MAST2: variants seen among roughly 807,000 people sequenced by gnomAD.
The protein encoded by MAST2 is microtubule-associated serine/threonine-protein kinase 2.
In MAST2, 70 loss-of-function variants were observed where a neutral mutation model predicts 147.4. The ratio of observed to expected loss-of-function variants is 0.47; its 90% CI spans 0.39 to 0.58. The LOEUF is 0.58. Among genes scored for constraint, MAST2 ranks in the 20% least tolerant of loss-of-function variants. The pLI, the probability that MAST2 is intolerant of heterozygous loss-of-function variation, is 0.00. For synonymous variants in MAST2, 869 were observed against 896.8 expected (o/e 0.97, Z 0.55); for missense variants, 2,080 against 2,302.3 (o/e 0.90, Z 1.98).
At chr1:45,929,720 C>T (rs1654973565) in intron 4 of MAST2, among the ~76,000 whole-genome samples, 1 of 151,970 alleles carries the variant, frequency 6.6e-6, no homozygotes, top group Non-Finnish European at 1.5e-5. Context: ...GATTAATTTA[C>T]AATAATAGAT....
chr1:45,822,587 C>CA (rs1375795869), intron 1 of MAST2, among the ~76,000 whole-genome samples: 4 of 152,194 alleles, frequency 2.6e-5, no homozygotes, highest in African/African-American at 9.7e-5. Flanking sequence ...GTGTAGCAGG[C>CA]ATCCAAATGC....
chr1:45,889,590 A>G (rs1394074737), intron 4 of MAST2, among the ~76,000 whole-genome samples: 1 of 151,488 alleles, frequency 6.6e-6, no homozygotes, highest in Admixed American at 6.6e-5. Context: ...CTGTGCCTGG[A>G]ATTTTTGTTT....
intron 4 of MAST2, among the ~76,000 whole-genome samples, chr1:45,904,589 C>G (rs1349074504): frequency 2.0e-5 from 3 of 152,022 alleles, no homozygotes; most frequent in East Asian, 1.9e-4. Context: ...CTTAGCCCCC[C>G]CAAGTAGCTG....
At chr1:45,994,031 G>A (rs1307496193) in intron 5 of MAST2, among the ~76,000 whole-genome samples, 1 of 152,130 alleles carries the variant, frequency 6.6e-6, no homozygotes, top group Non-Finnish European at 1.5e-5. Context: ...AGCTTCCAGT[G>A]CCTTCTCCCT....
intron 4 of MAST2, among the ~76,000 whole-genome samples, chr1:45,909,707 G>A (rs887804356): frequency 1.3e-5 from 2 of 152,064 alleles, no homozygotes; most frequent in African/African-American, 4.8e-5. Context: ...TAGTAGAGAC[G>A]GGGGTTCACC....
At chr1:45,839,263 G>C (rs1420095958) in intron 3 of MAST2, among the ~76,000 whole-genome samples, 3 of 151,544 alleles carry the variant, frequency 2.0e-5, no homozygotes, top group Non-Finnish European at 4.4e-5. Flanking sequence ...CCAGTAGCTG[G>C]GATTACAGGT....
intron 5 of MAST2, among the ~76,000 whole-genome samples, chr1:45,987,766 T>G (rs1226642646): frequency 7.2e-6 from 1 of 138,158 alleles, no homozygotes. Flanking sequence ...TTTCTTGTTT[T>G]TTTTTTTTTG....
Position 46,031,293 on chromosome 1 carries a change from A to G in MAST2, c.2992+3A>G. Reference sequence around the variant, plus strand: ...CCGGAGCAGTGGTTCCAGTCCAGGTATGGCCCAGTGGGCGGCCAAACGACC... The same window carrying G: ...CCGGAGCAGTGGTTCCAGTCCAGGTGTGGCCCAGTGGGCGGCCAAACGACC... On this transcript the variant is annotated splice_donor_region_variant and intron_variant, in intron 23 of 28. Coordinates refer to ENST00000361297, the MANE Select transcript of MAST2 (RefSeq NM_015112.3). The surrounding 1 kb of genome is among the most constrained non-coding windows in gnomAD (Gnocchi z 4.1). 1 of 1,542,424 alleles carries G rather than the reference A, an allele frequency of 6.5e-7. No individual in the cohort carries two copies. The highest frequency in any genetic ancestry group is 1.2e-5 in the South Asian group (1 of 80,562).
intron 22 of MAST2, 24 bp from the exon 23 acceptor site, chr1:46,030,983 C>T: frequency 6.9e-6 from 11 of 1,604,744 alleles, no homozygotes; most frequent in Non-Finnish European, 9.4e-6. Context: ...CTGGGTCACT[C>T]ACCCCAGGCC....
intron 4 of MAST2, among the ~76,000 whole-genome samples, chr1:45,952,496 T>G (rs1275231595): frequency 3.9e-5 from 6 of 152,038 alleles, no homozygotes. Flanking sequence ...AATGAATGAG[T>G]TGTACATTTT....
chr1:45,947,326 A>C (rs1240941409), intron 4 of MAST2, among the ~76,000 whole-genome samples: 3 of 151,996 alleles, frequency 2.0e-5, no homozygotes, highest in Admixed American at 6.5e-5. Context: ...AAAAAAAAAA[A>C]AAAAACCCAA....
chr1:45,883,644 A>G (rs545302693), intron 4 of MAST2, among the ~76,000 whole-genome samples: 4 of 152,090 alleles, frequency 2.6e-5, no homozygotes, highest in Non-Finnish European at 4.4e-5. Context: ...GTTTAATTTT[A>G]ATATATATTA....
At chr1:45,888,220 T>C (rs1647177234) in intron 4 of MAST2, among the ~76,000 whole-genome samples, 1 of 152,188 alleles carries the variant, frequency 6.6e-6, no homozygotes, top group South Asian at 2.1e-4. Flanking sequence ...AATCAGGTCC[T>C]CTCTTATACT....
Position 46,033,914 on chromosome 1 carries a change from G to A in MAST2, c.3650G>A (p.Ser1217Asn). 6.2e-7 allele frequency: 1 copy of A among 1,614,146 alleles called. No homozygotes were observed. The highest frequency in any genetic ancestry group is 1.3e-5 in the African/African-American group (1 of 75,048). ...KAKMARRSKR[S>N]RGKDGQESRK... ...AAGATGGCCCGAAGGAGCAAGAGGA[G>A]CCGCGGCAAGGATGGGCAAGAAAGG... Residue 1217 changes from serine to asparagine, a missense_variant, in exon 27 of 29, where the codon AGC becomes AAC. This residue lies in a region of MAST2 where 1,278 missense variants were observed against 1,304.2 expected (regional missense o/e 0.98). Coordinates refer to ENST00000361297, the MANE Select transcript of MAST2 (RefSeq NM_015112.3).
At chr1:45,981,846 C>CT (rs34353072) in intron 5 of MAST2, among the ~76,000 whole-genome samples, 8,160 of 141,102 alleles carry the variant, frequency 0.058, 729 homozygotes, top group African/African-American at 0.19. Flanking sequence ...GTAATTTTGG[C>CT]TTTTTTTTTT....
At chr1:45,955,199 A>G (rs191008332) in intron 4 of MAST2, among the ~76,000 whole-genome samples, 1 of 151,588 alleles carries the variant, frequency 6.6e-6, no homozygotes, top group East Asian at 1.9e-4. Context: ...ACCATCATAT[A>G]TATATTGGGG....
At chr1:45,991,858 T>A (rs1644866467) in intron 5 of MAST2, among the ~76,000 whole-genome samples, 1 of 152,210 alleles carries the variant, frequency 6.6e-6, no homozygotes, top group Non-Finnish European at 1.5e-5. Flanking sequence ...ACCTTTTATT[T>A]CCTTTTCTTG....
At chr1:45,804,174 C>T in intron 1 of MAST2, 102 bp downstream of exon 1, 1 of 1,236,934 alleles carries the variant, frequency 8.1e-7, no homozygotes, top group Non-Finnish European at 1.0e-6. Flanking sequence ...GGGGTGGGGT[C>T]TGAGTAGTTC....
intron 4 of MAST2, among the ~76,000 whole-genome samples, chr1:45,924,352 A>G (rs1358251746): frequency 6.6e-5 from 10 of 152,322 alleles, no homozygotes; most frequent in Non-Finnish European, 1.3e-4. Context: ...CTCTTACTCA[A>G]TTTATTAAGC....
Sources: allele counts gnomAD v4.1 joint callset (sites outside exome capture counted in the v4.1 genomes callset), GRCh38; gene constraint gnomAD v4.1.1; regional missense constraint gnomAD v4.1.1; non-coding constraint Gnocchi (gnomAD v3.1); transcripts MANE v1.5; gene names NCBI Gene and HGNC (gene_info 2026-07-23, HGNC 2026-07-21).